Variants in PPP1R12B observed in about 807,000 individuals in gnomAD.
PPP1R12B encodes protein phosphatase 1 regulatory subunit 12B.
Under a neutral mutation model 126.1 loss-of-function variants are expected in PPP1R12B, and 76 were observed. That is an observed-to-expected ratio of 0.60 (90% CI 0.50 to 0.73). The LOEUF is 0.73. Among genes scored for constraint, PPP1R12B ranks in the 30% least tolerant of loss-of-function variants. The pLI is 0.00. For missense variants in PPP1R12B, 1,052 were observed against 1,205.1 expected (o/e 0.87, Z 1.88); for synonymous variants, 356 against 434.7 (o/e 0.82, Z 2.25).
intron 18 of PPP1R12B, among the ~76,000 whole-genome samples, chr1:202,557,714 G>A (rs562368236): frequency 9.8e-5 from 15 of 152,296 alleles, no homozygotes; most frequent in African/African-American, 3.6e-4. Flanking sequence ...CCAGTATTGA[G>A]GTTAGGACAT....
intron 13 of PPP1R12B, among the ~76,000 whole-genome samples, chr1:202,471,360 TC>T (rs1675853237): frequency 6.6e-6 from 1 of 152,024 alleles, no homozygotes; most frequent in Non-Finnish European, 1.5e-5. Context: ...TTTTTTTTCT[TC>T]CCCTAATACT....
At position 202,495,636 on chromosome 1, in the gene PPP1R12B, C is replaced by G. The variant is rs759656210; in HGVS notation, c.2402C>G (p.Pro801Arg). 1 of 1,613,942 alleles carries G rather than the reference C, an allele frequency of 6.2e-7. No homozygotes were observed. Among genetic ancestry groups the G allele is most frequent in the Non-Finnish European group, 8.5e-7 (1 of 1,179,994 alleles). Reference protein sequence around the residue: ...KRLSIRERRRPKERRRGTGIN... With the variant: ...KRLSIRERRRRKERRRGTGIN... Reference sequence around the variant, plus strand: ...CTGTCCATCCGAGAGAGGAGGCGGCCCAAGGAACGACGAAGAGGCACAGGC... The same window carrying G: ...CTGTCCATCCGAGAGAGGAGGCGGCGCAAGGAACGACGAAGAGGCACAGGC... The change falls in exon 17 of 24, where the codon CCC (proline) becomes CGC (arginine). Residue 801 changes from proline to arginine, a missense_variant. Transcript: ENST00000608999.
chr1:202,375,088 A>G (rs1660958756), intron 1 of PPP1R12B, among the ~76,000 whole-genome samples: 2 of 151,862 alleles, frequency 1.3e-5, no homozygotes, highest in African/African-American at 2.4e-5. Context: ...GATTACAGGC[A>G]TGTGCCACCA....
intron 1 of PPP1R12B, among the ~76,000 whole-genome samples, chr1:202,362,044 C>T (rs900647264): frequency 2.0e-5 from 3 of 150,264 alleles, no homozygotes; most frequent in Non-Finnish European, 4.4e-5. Flanking sequence ...TATATGCGGG[C>T]ATTTCAGGGG....
chr1:202,364,635 G>A (rs1250798630), intron 1 of PPP1R12B, among the ~76,000 whole-genome samples: 4 of 151,990 alleles, frequency 2.6e-5, no homozygotes, highest in Non-Finnish European at 1.5e-5. Context: ...GGAGTGCAGT[G>A]GCATGATCTC....
At chr1:202,468,417 G>A (rs903862127) in intron 13 of PPP1R12B, among the ~76,000 whole-genome samples, 18 of 152,084 alleles carry the variant, frequency 1.2e-4, no homozygotes, top group African/African-American at 4.3e-4. Flanking sequence ...TGTAAGGAAG[G>A]GATCCAGTTT....
At chr1:202,384,380 T>G (rs1390377167) in intron 1 of PPP1R12B, among the ~76,000 whole-genome samples, 1 of 152,138 alleles carries the variant, frequency 6.6e-6, no homozygotes, top group Non-Finnish European at 1.5e-5. Flanking sequence ...TAAAAAGGAA[T>G]TGAAGTACTG....
chr1:202,372,162 C>T (rs765534387), intron 1 of PPP1R12B, among the ~76,000 whole-genome samples: 6 of 152,020 alleles, frequency 3.9e-5, no homozygotes, highest in Non-Finnish European at 7.4e-5. Context: ...TGAGCCACTG[C>T]GCCCAGCCCC....
intron 1 of PPP1R12B, among the ~76,000 whole-genome samples, chr1:202,413,325 G>A (rs1667644819): frequency 6.6e-6 from 1 of 152,096 alleles, no homozygotes; most frequent in Admixed American, 6.5e-5. Context: ...TTCTAGGCAG[G>A]ATTGATATGA....
rs1330065491 is a variant in PPP1R12B, at chr1:202,431,484, G to C, written c.1006G>C (p.Glu336Gln). Residue 336 changes from glutamate to glutamine, a missense_variant, in exon 8 of 24, where the codon GAG becomes CAG. By Grantham distance (29) the Glu-to-Gln change is conservative. Transcript: ENST00000608999. ...AAGTTGTCATCTTTAATTTAGCAAA[G>C]AGAAGATGCTCTATGAGGAGGAGAC... ...KIQSGFFKNKEKMLYEEETPK... is the reference protein window; with the variant it reads ...KIQSGFFKNKQKMLYEEETPK... 1 of 1,590,614 alleles carries C rather than the reference G, an allele frequency of 6.3e-7. No individual in the cohort carries two copies. Among genetic ancestry groups the C allele is most frequent in the South Asian group, 1.2e-5 (1 of 86,614 alleles).
intron 18 of PPP1R12B, among the ~76,000 whole-genome samples, chr1:202,554,677 T>TATAG (rs1055842143): frequency 2.0e-5 from 3 of 152,106 alleles, no homozygotes; most frequent in African/African-American, 7.2e-5. Flanking sequence ...GAAAATTGTC[T>TATAG]ACCGCCTTGT....
At chr1:202,500,783 G>GC in intron 18 of PPP1R12B, among the ~76,000 whole-genome samples, 1 of 152,100 alleles carries the variant, frequency 6.6e-6, no homozygotes, top group Non-Finnish European at 1.5e-5. Flanking sequence ...ACCTTGATTT[G>GC]ATCATTACAT....
Position 202,439,552 on chromosome 1 carries a change from C to T in PPP1R12B, c.1459-1154C>T, listed in dbSNP as rs546835124. Reference sequence around the variant, plus strand: ...GGGGGTGTGGCGCTCTCTGTGGTCACTCCTGCCAGGAACTGACCACCCAGG... The same window carrying T: ...GGGGGTGTGGCGCTCTCTGTGGTCATTCCTGCCAGGAACTGACCACCCAGG... On this transcript the variant is annotated intron_variant, in intron 10 of 23. Coordinates refer to ENST00000608999, the MANE Select transcript of PPP1R12B (RefSeq NM_002481.4). 143 of 1,503,232 alleles carry T rather than the reference C, an allele frequency of 9.5e-5. No individual in the cohort carries two copies. In the African/African-American group the frequency reaches 1.4e-3, roughly 15 times the overall value. The allele number at this position is 1,503,232 out of a possible 1,614,324, so 93.1% of individuals were successfully genotyped here.
At chr1:202,451,797 G>A (rs1672971670) in intron 13 of PPP1R12B, among the ~76,000 whole-genome samples, 1 of 150,872 alleles carries the variant, frequency 6.6e-6, no homozygotes, top group Non-Finnish European at 1.5e-5. Flanking sequence ...GCAGGGTGGG[G>A]GCTGACCCCC....
intron 11 of PPP1R12B, among the ~76,000 whole-genome samples, chr1:202,441,896 G>A (rs991180347): frequency 2.0e-5 from 3 of 151,038 alleles, no homozygotes; most frequent in South Asian, 2.1e-4. Flanking sequence ...TCACTCTGTC[G>A]CCCAGGCTGG....
Position 202,564,431 on chromosome 1 carries a change from C to T in PPP1R12B, c.2653-12C>T. ...ACGCGAACGCTGATCCTCTTTTTTC[C>T]CTCTCCTCTAGCTCTATGAGAGTGC... On this transcript the variant is annotated splice_polypyrimidine_tract_variant and intron_variant, in intron 20 of 23. Coordinates refer to ENST00000608999, the MANE Select transcript of PPP1R12B (RefSeq NM_002481.4). 6 of 1,589,694 alleles carry T rather than the reference C, an allele frequency of 3.8e-6. No individual in the cohort carries two copies. The highest frequency in any genetic ancestry group is 5.2e-6 in the Non-Finnish European group (6 of 1,161,136).
chr1:202,549,681 G>A (rs1391206490), intron 18 of PPP1R12B, among the ~76,000 whole-genome samples: 1 of 152,060 alleles, frequency 6.6e-6, no homozygotes, highest in East Asian at 1.9e-4. Context: ...GCCTCCCAAA[G>A]TGCTGGTATT....
chr1:202,551,264 A>C (rs926780870), intron 18 of PPP1R12B, among the ~76,000 whole-genome samples: 2 of 152,162 alleles, frequency 1.3e-5, no homozygotes, highest in Non-Finnish European at 2.9e-5. Context: ...TATATGTATT[A>C]AGTAGTCAGT....
chr1:202,540,278 G>A, intron 18 of PPP1R12B: 1 of 1,484,118 alleles, frequency 6.7e-7, no homozygotes, highest in Non-Finnish European at 9.3e-7. Context: ...GTTCATAGCT[G>A]TGTCAAAGGT....
Sources: gnomAD v4.1 joint callset for allele counts (sites outside exome capture counted in the v4.1 genomes callset) on GRCh38, gnomAD v4.1.1 for gene constraint, MANE v1.5 for transcripts, NCBI Gene and HGNC (gene_info 2026-07-23, HGNC 2026-07-21) for gene names.